Variants in YIPF6 observed in about 807,000 individuals in gnomAD.
YIPF6 encodes protein YIPF6.
A neutral mutation model predicts 16.8 loss-of-function variants in YIPF6; 3 were observed. The observed-to-expected ratio is 0.18, with a 90% CI of 0.08 to 0.46. YIPF6 has a LOEUF of 0.46. YIPF6 is among the 20% of genes least tolerant of loss of function. YIPF6 has a pLI of 0.98. For synonymous variants in YIPF6, 67 were observed against 61.9 expected (o/e 1.08, Z -0.38); for missense variants, 145 against 184.9 (o/e 0.78, Z 1.25).
At position 68,532,531 on chromosome X, in the gene YIPF6, A is replaced by G. The variant is rs953540934; in HGVS notation, c.*532A>G. On this transcript the variant is annotated 3_prime_UTR_variant, in exon 7 of 7. Transcript: ENST00000462683. ...AGAGAGGTTAGGAGTGGGTTCATAC[A>G]CGGAGAATGAGAAAACATGCATTAA... 3 of 107,747 alleles carry G rather than the reference A, an allele frequency of 2.8e-5. No individual in the cohort carries two copies. Among genetic ancestry groups the G allele is most frequent in the African/African-American group, 1.0e-4 (3 of 29,382 alleles). 8.9% of individuals were successfully genotyped at this position (107,747 alleles called of 1,213,427 possible). A position where few individuals can be genotyped will look rare whatever the true frequency, so the allele number is the denominator to read the frequency against.
intron 1 of YIPF6, among the ~76,000 whole-genome samples, chrX:68,505,372 T>C (rs1414741370): frequency 3.3e-5 from 3 of 90,520 alleles, no homozygotes; most frequent in African/African-American, 1.2e-4. Context: ...ATCACGCCAC[T>C]GCACTCCAGC....
chrX:68,511,830 T>C lies in YIPF6; in HGVS notation c.58-19T>C. 1.7e-6 allele frequency: 2 copies of C among 1,187,791 alleles called. No individual in the cohort carries two copies. Among genetic ancestry groups the C allele is most frequent in the Non-Finnish European group, 2.3e-6 (2 of 886,714 alleles). ...ACAGTTTATTACAGGCTTACTTTTTTTCCCCTGACTCTTCTCAGTTTGCAG... is the reference window on the plus strand; with the variant it reads ...ACAGTTTATTACAGGCTTACTTTTTCTCCCCTGACTCTTCTCAGTTTGCAG... On this transcript the variant is annotated intron_variant, in intron 1 of 6. Coordinates refer to ENST00000462683, the MANE Select transcript of YIPF6 (RefSeq NM_173834.4).
chrX:68,503,113 G>T (rs4378115), intron 1 of YIPF6, among the ~76,000 whole-genome samples: 202 of 112,006 alleles, frequency 1.8e-3, no homozygotes, highest in African/African-American at 6.4e-3. Flanking sequence ...AGGTGAAGGG[G>T]CTGGCTGGAG....
intron 2 of YIPF6, 137 bp from the exon 3 acceptor site, chrX:68,513,187 TGAA>T: frequency 2.3e-6 from 1 of 435,158 alleles, no homozygotes; most frequent in Non-Finnish European, 3.9e-6. Context: ...GTTTGTGTAG[TGAA>T]GGAGTTGAAC....
Position 68,518,825 on chromosome X carries a change from A to G in YIPF6, c.308+13A>G. 6 of 1,168,490 alleles carry G rather than the reference A, an allele frequency of 5.1e-6. No homozygotes were observed. The highest frequency in any genetic ancestry group is 6.8e-6 in the Non-Finnish European group (6 of 878,349). ...TGACACTCGCATTGTAAGTACTTGC[A>G]TTTTCTTTCTTTGTCATTTGAGCTA... On this transcript the variant is annotated intron_variant, in intron 4 of 6. Coordinates refer to ENST00000462683, the MANE Select transcript of YIPF6 (RefSeq NM_173834.4).
Position 68,499,102 on chromosome X carries a change from G to A in YIPF6, c.36G>A (p.Gly12=). The change falls in exon 1 of 7, where the codon GGG becomes GGA. Residue 12 remains glycine (G), a synonymous_variant. Transcript: ENST00000462683. ...AEAEESPGDP[G]TASPRPLFAG... ...CGGAGGAGTCTCCAGGAGACCCGGGGACAGCATCGCCCAGGCCCCTGGTGA... is the reference window on the plus strand; with the variant it reads ...CGGAGGAGTCTCCAGGAGACCCGGGAACAGCATCGCCCAGGCCCCTGGTGA... The A allele has an allele frequency of 8.4e-7, 1 of 1,187,856 alleles. No homozygotes were observed. Among genetic ancestry groups the A allele is most frequent in the Non-Finnish European group, 1.1e-6 (1 of 883,369 alleles).
At chrX:68,521,751 C>T (rs1326350442) in intron 5 of YIPF6, among the ~76,000 whole-genome samples, 1 of 107,101 alleles carries the variant, frequency 9.3e-6, no homozygotes, top group South Asian at 4.0e-4. Context: ...CTATGCCTGG[C>T]TAATTAAAAA....
intron 1 of YIPF6, among the ~76,000 whole-genome samples, chrX:68,508,570 C>T (rs1258185560): frequency 9.0e-6 from 1 of 111,621 alleles, no homozygotes; most frequent in Non-Finnish European, 1.9e-5. Context: ...ACTGACCTAG[C>T]TCTGAATTCT....
At chrX:68,512,917 G>A (rs1047230333) in intron 2 of YIPF6, among the ~76,000 whole-genome samples, 3 of 108,392 alleles carry the variant, frequency 2.8e-5, no homozygotes, top group Admixed American at 2.0e-4. Flanking sequence ...ATATTGCAAA[G>A]AATGTAGTAG....
intron 6 of YIPF6, among the ~76,000 whole-genome samples, chrX:68,529,686 T>C (rs1228048840): frequency 2.7e-5 from 3 of 111,937 alleles, no homozygotes; most frequent in Non-Finnish European, 3.8e-5. Context: ...TTGATGTTGA[T>C]GCTATTCCTT....
chrX:68,504,873 A>G (rs1283901140), intron 1 of YIPF6, among the ~76,000 whole-genome samples: 2 of 111,936 alleles, frequency 1.8e-5, no homozygotes, highest in Non-Finnish European at 3.8e-5. Flanking sequence ...TGCACTCTTA[A>G]CCAGTATTCT....
rs891341929 is a variant in YIPF6 at position 68,533,161 on chromosome X, T to G, written c.*1162T>G. The G allele has an allele frequency of 1.8e-5, 2 of 111,897 alleles. No homozygotes were observed. Among genetic ancestry groups the G allele is most frequent in the Admixed American group, 1.9e-4 (2 of 10,480 alleles). The allele number at this position is 111,897 out of a possible 1,213,427, so 9.2% of individuals were successfully genotyped here. A position where few individuals can be genotyped will look rare whatever the true frequency, so the allele number is the denominator to read the frequency against. ...TTGGGTTGGGGAATAGCAATTTATT[T>G]TATTGATTTTAGACTTTATCAAGCT... is the stretch of plus-strand genomic sequence containing the variant. On this transcript the variant is annotated 3_prime_UTR_variant, in exon 7 of 7. Transcript: ENST00000462683.
At chrX:68,507,831 T>G (rs1295295791) in intron 1 of YIPF6, among the ~76,000 whole-genome samples, 4 of 110,665 alleles carry the variant, frequency 3.6e-5, no homozygotes, top group Non-Finnish European at 5.7e-5. Flanking sequence ...CTTGAACTCC[T>G]GATCTCAGGT....
At chrX:68,505,272 T>C (rs2079055379) in intron 1 of YIPF6, among the ~76,000 whole-genome samples, 1 of 110,200 alleles carries the variant, frequency 9.1e-6, no homozygotes, top group Non-Finnish European at 1.9e-5. Context: ...TACCCGGGCA[T>C]GGTGGTGGGT....
intron 6 of YIPF6, among the ~76,000 whole-genome samples, chrX:68,530,545 T>C (rs758244791): frequency 9.0e-6 from 1 of 111,344 alleles, no homozygotes; most frequent in African/African-American, 3.3e-5. Flanking sequence ...GCTTGGTGTC[T>C]GCCCAAATGG....
intron 6 of YIPF6, among the ~76,000 whole-genome samples, chrX:68,529,369 A>G (rs192369001): frequency 1.8e-5 from 2 of 110,086 alleles, no homozygotes; most frequent in Admixed American, 9.8e-5. Context: ...CTAGTTAGCA[A>G]TTTCTCTAAC....
At chrX:68,520,443 A>G (rs909811363) in intron 4 of YIPF6, among the ~76,000 whole-genome samples, 14 of 112,164 alleles carry the variant, frequency 1.2e-4, no homozygotes, top group African/African-American at 4.5e-4. Flanking sequence ...TCAACAACTA[A>G]AAAGGTTTAT....
At chrX:68,518,863 T>C in intron 4 of YIPF6, 51 bp downstream of exon 4, 1 of 1,098,792 alleles carries the variant, frequency 9.1e-7, no homozygotes, top group Non-Finnish European at 1.2e-6. Flanking sequence ...CTAGACTTTT[T>C]TGTGGATTTC....
chrX:68,517,093 A>T (rs2079105810), intron 3 of YIPF6, among the ~76,000 whole-genome samples: 1 of 110,804 alleles, frequency 9.0e-6, no homozygotes. Context: ...AAGTGCTGGG[A>T]TTACAGGCAT....
Sources: gnomAD v4.1 joint callset for allele counts (sites outside exome capture counted in the v4.1 genomes callset) on GRCh38, gnomAD v4.1.1 for gene constraint, MANE v1.5 for transcripts, NCBI Gene and HGNC (gene_info 2026-07-23, HGNC 2026-07-21) for gene names.